CUL2: variants seen among roughly 807,000 people sequenced by gnomAD.
CUL2 encodes the protein cullin-2.
In CUL2, 22 loss-of-function variants were observed where a neutral mutation model predicts 110.2. That is an observed-to-expected ratio of 0.20 (90% CI 0.14 to 0.28). The LOEUF (loss-of-function observed/expected upper bound fraction) is 0.28. Ranked by LOEUF, CUL2 falls within the 10% of genes least tolerant of loss-of-function variation. CUL2 has a pLI of 1.00. For missense variants in CUL2, 631 were observed against 905.5 expected (o/e 0.70, Z 3.89); for synonymous variants, 279 against 293.2 (o/e 0.95, Z 0.49).
Position 35,028,892 on chromosome 10 carries a change from A to G in CUL2, c.1540-5T>C, listed in dbSNP as rs762315396. On this transcript the variant is annotated splice_region_variant and splice_polypyrimidine_tract_variant and intron_variant, in intron 15 of 20. Coordinates refer to ENST00000374749, the MANE Select transcript of CUL2 (RefSeq NM_003591.4). ...AGTAAGAGGCCACGCACCAGCCTAG[A>G]AGGAAAAAAATAAAATAAAATAAGC... The G allele has an allele frequency of 6.3e-7, 1 of 1,577,362 alleles. No individual in the cohort carries two copies. Among genetic ancestry groups the G allele is most frequent in the East Asian group, 2.2e-5 (1 of 44,580 alleles).
rs752383212 is a variant in CUL2, at chr10:35,032,437, G to A, written c.1168C>T (p.Leu390=). 63 of 1,594,346 alleles carry A rather than the reference G, an allele frequency of 4.0e-5. 2 individuals carry two copies. The South Asian group carries it at 6.0e-4, about 15-fold the overall frequency. The change falls in exon 12 of 21, where the codon CTG becomes TTG. Residue 390 remains leucine, a splice_region_variant and synonymous_variant. Transcript: ENST00000374749. ...TTTTCAGCAACCACCAAACTTACCA[G>A]TTCAGGTGCTTTGCAAACAGACTTA... The part of the protein sequence containing the change: ...EPKSVCKAPE[L]LAKYCDNLLK...
rs116884482 is a variant in CUL2 at position 35,021,407 on chromosome 10, A to G, written c.1684+3725T>C. Reference sequence around the variant, plus strand: ...TTATTTTCTGCACACTGCTGTGTATAAACATACATTTTTTTATATATGTAT... The same window carrying G: ...TTATTTTCTGCACACTGCTGTGTATGAACATACATTTTTTTATATATGTAT... On this transcript the variant is annotated intron_variant, in intron 17 of 20. Coordinates refer to ENST00000374749, the MANE Select transcript of CUL2 (RefSeq NM_003591.4). Among the ~76,000 whole-genome samples the G allele has an allele frequency of 7.9e-3, 1,198 of 151,914 alleles. 20 individuals carry two copies. Among genetic ancestry groups the G allele is most frequent in the African/African-American group, 0.027 (1,124 of 41,434 alleles).
At chr10:35,015,250 G>A (rs56743909) in intron 18 of CUL2, among the ~76,000 whole-genome samples, 20,414 of 147,604 alleles carry the variant, frequency 0.14, 1,575 homozygotes, top group South Asian at 0.2. Context: ...CCAAGATCAC[G>A]CCATTGCACT....
intron 1 of CUL2, among the ~76,000 whole-genome samples, chr10:35,112,360 C>T (rs1012533297): frequency 2.6e-5 from 4 of 152,248 alleles, no homozygotes; most frequent in African/African-American, 7.2e-5. Flanking sequence ...CTGTGATCCC[C>T]GAGCAAAGGG....
At chr10:35,054,200 C>T (rs142992837) in intron 5 of CUL2, among the ~76,000 whole-genome samples, 60 of 152,276 alleles carry the variant, frequency 3.9e-4, no homozygotes, top group African/African-American at 1.4e-3. Flanking sequence ...CAATGCAGAA[C>T]CATTAACTCT....
chr10:35,058,165 T>G (rs2086290254), intron 4 of CUL2, among the ~76,000 whole-genome samples: 1 of 152,178 alleles, frequency 6.6e-6, no homozygotes, highest in Non-Finnish European at 1.5e-5. Flanking sequence ...AATATCATTA[T>G]GAACAGGTGA....
At chr10:35,056,829 C>A (rs971813224) in intron 4 of CUL2, among the ~76,000 whole-genome samples, 3 of 152,182 alleles carry the variant, frequency 2.0e-5, no homozygotes, top group Admixed American at 6.5e-5. Flanking sequence ...TTCCAGTAAC[C>A]TCGCCTAAAA....
chr10:35,062,823 C>A (rs1214407265), intron 3 of CUL2, 137 bp downstream of exon 3: 3 of 595,348 alleles, frequency 5.0e-6, no homozygotes, highest in Non-Finnish European at 8.8e-6. Flanking sequence ...GGCAACAGAG[C>A]AAGACCCTGT....
chr10:35,091,592 C>G (rs2087203751), upstream of CUL2, among the ~76,000 whole-genome samples: 1 of 151,868 alleles, frequency 6.6e-6, no homozygotes, highest in African/African-American at 2.4e-5. Flanking sequence ...AGGTTAACAA[C>G]TAGTTTGTTA....
intron 1 of CUL2, among the ~76,000 whole-genome samples, chr10:35,123,879 T>C (rs957688188): frequency 6.6e-6 from 1 of 152,160 alleles, no homozygotes; most frequent in Non-Finnish European, 1.5e-5. Context: ...TTCAAAAAAA[T>C]TGGGTATGAT....
At chr10:35,064,605 T>C (rs917151658) in intron 2 of CUL2, among the ~76,000 whole-genome samples, 5 of 152,184 alleles carry the variant, frequency 3.3e-5, no homozygotes, top group African/African-American at 1.2e-4. Flanking sequence ...GCATCCTTAC[T>C]CCAGAAAGCG....
intron 1 of CUL2, among the ~76,000 whole-genome samples, chr10:35,083,351 A>G (rs2086987360): frequency 6.6e-6 from 1 of 152,112 alleles, no homozygotes; most frequent in Admixed American, 6.6e-5. Context: ...AAAGATATAA[A>G]CATAGATGTT....
At chr10:35,069,636 C>G (rs956128732) in intron 2 of CUL2, among the ~76,000 whole-genome samples, 2 of 151,936 alleles carry the variant, frequency 1.3e-5, no homozygotes, top group African/African-American at 4.8e-5. Context: ...CTGAAGGGGT[C>G]ACTTTCCAGG....
chr10:35,015,270 G>T (rs2084998101), intron 18 of CUL2, among the ~76,000 whole-genome samples: 1 of 148,078 alleles, frequency 6.8e-6, no homozygotes, highest in Admixed American at 6.8e-5. Context: ...TCCACCCTGG[G>T]CAACAAGAGT....
intron 1 of CUL2, among the ~76,000 whole-genome samples, chr10:35,125,754 T>TA (rs1268144205): frequency 6.6e-6 from 1 of 152,260 alleles, no homozygotes; most frequent in Non-Finnish European, 1.5e-5. Context: ...AAAGCCATGA[T>TA]TTCTAAGAAC....
At chr10:35,029,063 G>T (rs1203362134) in intron 15 of CUL2, among the ~76,000 whole-genome samples, 176 bp from the exon 16 acceptor site, 30 of 142,062 alleles carry the variant, frequency 2.1e-4, no homozygotes, top group Admixed American at 2.8e-4. Flanking sequence ...ACCTTTTTTT[G>T]TTTTTTTTTT....
chr10:35,057,601 C>T (rs1319730736), intron 4 of CUL2, among the ~76,000 whole-genome samples: 5 of 144,318 alleles, frequency 3.5e-5, no homozygotes, highest in African/African-American at 7.8e-5. Context: ...TGCAGTGAGC[C>T]GAGATCGTGC....
upstream of CUL2, among the ~76,000 whole-genome samples, chr10:35,093,841 A>C (rs2087252018): frequency 6.6e-6 from 1 of 152,094 alleles, no homozygotes; most frequent in African/African-American, 2.4e-5. Flanking sequence ...CTATTAAATC[A>C]AATATTTAGA....
At chr10:35,068,194 C>T (rs1463387980) in intron 2 of CUL2, among the ~76,000 whole-genome samples, 1 of 151,334 alleles carries the variant, frequency 6.6e-6, no homozygotes, top group Admixed American at 6.6e-5. Flanking sequence ...TGCCAAGGCA[C>T]ATGGAACACA....
Sources: allele counts gnomAD v4.1 joint callset (sites outside exome capture counted in the v4.1 genomes callset), GRCh38; gene constraint gnomAD v4.1.1; transcripts MANE v1.5; gene names NCBI Gene and HGNC (gene_info 2026-07-23, HGNC 2026-07-21).